Variants in DHX9 observed in about 807,000 individuals in gnomAD.
DHX9 encodes the protein DExH-box helicase 9, also known as ATP-dependent RNA helicase A.
In DHX9, 27 loss-of-function variants were observed where a neutral mutation model predicts 148.7. That is an observed-to-expected ratio of 0.18 (90% CI 0.13 to 0.25). The LOEUF is 0.25. Ranked by LOEUF, DHX9 falls within the 10% of genes least tolerant of loss-of-function variation. The pLI is 1.00. For missense variants in DHX9, 796 were observed against 1,559.6 expected (o/e 0.51, Z 8.25); for synonymous variants, 529 against 516.6 (o/e 1.02, Z -0.33).
chr1:182,852,856 G>A (rs1444343742), intron 4 of DHX9, among the ~76,000 whole-genome samples: 1 of 149,734 alleles, frequency 6.7e-6, no homozygotes, highest in African/African-American at 2.5e-5. Context: ...TCTACCATAT[G>A]GTAGATTAGG....
In DHX9 at chr1:182,859,907, A is replaced by G. The variant is rs1397657284; in HGVS notation, c.1141-86A>G. The G allele has an allele frequency of 2.9e-6, 4 of 1,360,170 alleles. No individual in the cohort carries two copies. In the African/African-American group the frequency reaches 4.4e-5, roughly 15 times the overall value. The allele number at this position is 1,360,170 out of a possible 1,614,324, so 84.3% of individuals were successfully genotyped here. On this transcript the variant is annotated intron_variant, in intron 11 of 27. Coordinates refer to ENST00000367549, the MANE Select transcript of DHX9 (RefSeq NM_001357.5). ...GCGTGAGCCACCGCGCCCAGTCTAT[A>G]GAGATGGAAGTTTTTTAAAGGATCA...
At chr1:182,863,993 C>A (rs949175448) in intron 12 of DHX9, among the ~76,000 whole-genome samples, 3 of 152,078 alleles carry the variant, frequency 2.0e-5, no homozygotes, top group Non-Finnish European at 2.9e-5. Context: ...GGCAACATGG[C>A]GAAACTCCAT....
chr1:182,844,552 G>GT lies in DHX9; in HGVS notation c.252+1122dup, dbSNP rs564364554. Among the ~76,000 whole-genome samples the GT allele has an allele frequency of 1.3e-3, 197 of 152,104 alleles. 1 individual carries two copies. The highest frequency in any genetic ancestry group is 4.6e-3 in the African/African-American group (191 of 41,474). Reference sequence around the variant, plus strand: ...TAAGGTTTTTTTTGTTTGTTTGTTTGTTTTGTTTTTTAAGACGGAGTCTTG... The same window carrying GT: ...TAAGGTTTTTTTTGTTTGTTTGTTTGTTTTTGTTTTTTAAGACGGAGTCTTG... On this transcript the variant is annotated intron_variant, in intron 3 of 27. Coordinates refer to ENST00000367549, the MANE Select transcript of DHX9 (RefSeq NM_001357.5).
At chr1:182,852,585 T>G (rs1253947693) in intron 4 of DHX9, among the ~76,000 whole-genome samples, 1 of 152,224 alleles carries the variant, frequency 6.6e-6, no homozygotes, top group African/African-American at 2.4e-5. Flanking sequence ...AATAAATAGG[T>G]TTTCCACAGG....
Position 182,887,532 on chromosome 1 carries a change from G to GT in DHX9, c.*99dup. The GT allele has an allele frequency of 9.0e-7, 1 of 1,106,708 alleles. No individual in the cohort carries two copies. The highest frequency in any genetic ancestry group is 1.3e-6 in the Non-Finnish European group (1 of 778,186). The allele number at this position is 1,106,708 out of a possible 1,614,324, so 68.6% of individuals were successfully genotyped here. A position where few individuals can be genotyped will look rare whatever the true frequency, so the allele number is the denominator to read the frequency against. Reference sequence around the variant, plus strand: ...CAGTATGTTTATTTGCCACCAAAAAGTAAATGCATTTTCACCCATTCTGTG... The same window carrying GT: ...CAGTATGTTTATTTGCCACCAAAAAGTTAAATGCATTTTCACCCATTCTGTG... On this transcript the variant is annotated 3_prime_UTR_variant, in exon 28 of 28. Coordinates refer to ENST00000367549, the MANE Select transcript of DHX9 (RefSeq NM_001357.5).
Position 182,884,685 on chromosome 1 carries a change from T to A in DHX9, c.3333T>A (p.Val1111=). 6.2e-7 allele frequency: 1 copy of A among 1,614,184 alleles called. No individual in the cohort carries two copies. The highest frequency in any genetic ancestry group is 8.5e-7 in the Non-Finnish European group (1 of 1,180,030). ...TCCGGGCAGCCATGGAGGCTTTGGTTGTTGAAGTAACCAAACAACCTGCTA... is the reference window on the plus strand; with the variant it reads ...TCCGGGCAGCCATGGAGGCTTTGGTAGTTGAAGTAACCAAACAACCTGCTA... The part of the protein sequence containing the change: ...TGLRAAMEAL[V]VEVTKQPAII... The change falls in exon 27 of 28, where the codon GTT becomes GTA. Residue 1111 remains valine, a synonymous_variant. Transcript: ENST00000367549.
At position 182,887,099 on chromosome 1, in the gene DHX9, C is replaced by T. The variant is rs1327282020; in HGVS notation, c.3478C>T (p.Arg1160Cys). ...TTTTCCTAGGTATGGAGATGGTCCACGTCCTCCCAAGATGGCCCGATACGA... is the reference window on the plus strand; with the variant it reads ...TTTTCCTAGGTATGGAGATGGTCCATGTCCTCCCAAGATGGCCCGATACGA... ...IGSTRYGDGPRPPKMARYDNG... is the reference protein window; with the variant it reads ...IGSTRYGDGPCPPKMARYDNG... Residue 1160 changes from arginine to cysteine, a missense_variant, in exon 28 of 28, where the codon CGT (arginine) becomes TGT (cysteine). Coordinates refer to ENST00000367549, the MANE Select transcript of DHX9 (RefSeq NM_001357.5). 6.2e-7 allele frequency: 1 copy of T among 1,614,124 alleles called. No individual in the cohort carries two copies. The highest frequency in any genetic ancestry group is 8.5e-7 in the Non-Finnish European group (1 of 1,179,968).
intron 11 of DHX9, 62 bp downstream of exon 11, chr1:182,859,179 A>G: frequency 6.8e-7 from 1 of 1,463,396 alleles, no homozygotes; most frequent in Non-Finnish European, 9.5e-7. Context: ...GGTATGGGTA[A>G]AAAGTCAATG....
At chr1:182,844,531 G>GT (rs200448239) in intron 3 of DHX9, among the ~76,000 whole-genome samples, 66 of 151,704 alleles carry the variant, frequency 4.4e-4, no homozygotes, top group African/African-American at 1.5e-3. Context: ...AAGAAATAAG[G>GT]TTTTTTTTGT....
intron 3 of DHX9, among the ~76,000 whole-genome samples, chr1:182,847,013 A>G (rs1668044272): frequency 6.6e-6 from 1 of 151,788 alleles, no homozygotes; most frequent in South Asian, 2.1e-4. Flanking sequence ...CACCCAGTGT[A>G]TTTCAGACAC....
At chr1:182,860,855 T>G (rs1202520991) in intron 12 of DHX9, among the ~76,000 whole-genome samples, 1 of 152,226 alleles carries the variant, frequency 6.6e-6, no homozygotes, top group African/African-American at 2.4e-5. Context: ...GCTCTCAGGT[T>G]AAACAGTTCC....
chr1:182,870,811 G>C (rs1648525922), intron 14 of DHX9, among the ~76,000 whole-genome samples: 1 of 152,096 alleles, frequency 6.6e-6, no homozygotes. Flanking sequence ...CATTTAAAAA[G>C]GTGAAAAGGT....
rs1268921478 is a variant in DHX9, at chr1:182,887,241, G to A, written c.3620G>A (p.Arg1207Gln). Reference protein sequence around the residue: ...GGYGGSANSFRAGYGAGVGGG... With the variant: ...GGYGGSANSFQAGYGAGVGGG... ...TATGGTGGCAGCGCCAACTCCTTTC[G>A]GGCAGGATATGGTGCAGGTGTTGGT... The change falls in exon 28 of 28, where the codon CGG (arginine) becomes CAG (glutamine). Residue 1207 changes from arginine (R) to glutamine (Q), a missense_variant. Physicochemically the swap from Arg to Gln is conservative, Grantham distance 43. Around this residue, in one of 14 missense-constraint regions of DHX9, gnomAD observed 98 missense variants for 105.5 expected, o/e 0.93. Transcript: ENST00000367549. 1.4e-5 allele frequency: 22 copies of A among 1,614,024 alleles called. No homozygotes were observed. The highest frequency in any genetic ancestry group is 1.8e-5 in the Non-Finnish European group (21 of 1,180,044).
intron 12 of DHX9, among the ~76,000 whole-genome samples, chr1:182,863,087 T>TCCAA (rs1648060543): frequency 6.6e-6 from 1 of 152,250 alleles, no homozygotes; most frequent in Non-Finnish European, 1.5e-5. Context: ...TTGGAACTAT[T>TCCAA]CTTCCAGCTT....
intron 13 of DHX9, 145 bp from the exon 14 acceptor site, chr1:182,866,816 A>T: frequency 1.3e-6 from 1 of 771,820 alleles, no homozygotes; most frequent in Non-Finnish European, 2.1e-6. Flanking sequence ...ATTTCATAGT[A>T]CACTATCACT....
intron 3 of DHX9, 128 bp from the exon 4 acceptor site, chr1:182,852,105 C>A (rs1211886917): frequency 3.4e-6 from 2 of 588,468 alleles, no homozygotes; most frequent in East Asian, 5.8e-5. Flanking sequence ...GACTTAACCT[C>A]TAAACAAAGA....
At position 182,887,592 on chromosome 1, in the gene DHX9, T is replaced by C. The variant is rs1571326496; in HGVS notation, c.*158T>C. ...AGTTTAAGGAAACCAAGCATATAGATGCATTAGTGATTTTGTTTATATTAT... is the reference window on the plus strand; with the variant it reads ...AGTTTAAGGAAACCAAGCATATAGACGCATTAGTGATTTTGTTTATATTAT... On this transcript the variant is annotated 3_prime_UTR_variant, in exon 28 of 28. Transcript: ENST00000367549. 8.2e-6 allele frequency: 5 copies of C among 612,288 alleles called. No homozygotes were observed. The East Asian group carries it at 1.4e-4, about 17-fold the overall frequency. 37.9% of individuals were successfully genotyped at this position (612,288 alleles called of 1,614,324 possible).
intron 6 of DHX9, among the ~76,000 whole-genome samples, chr1:182,855,148 A>G (rs1429255820): frequency 2.0e-5 from 3 of 152,126 alleles, no homozygotes; most frequent in African/African-American, 7.2e-5. Context: ...ATTCTCAGAT[A>G]TTTCTGGTGT....
intron 1 of DHX9, among the ~76,000 whole-genome samples, chr1:182,841,510 C>CT (rs1381266067): frequency 2.0e-5 from 3 of 152,282 alleles, no homozygotes; most frequent in East Asian, 1.9e-4. Flanking sequence ...CTTTCCACGG[C>CT]TTTTTTGTTA....
Sources: gnomAD v4.1 joint callset for allele counts (sites outside exome capture counted in the v4.1 genomes callset) on GRCh38, gnomAD v4.1.1 for gene constraint, gnomAD v4.1.1 regional missense constraint, MANE v1.5 for transcripts, NCBI Gene and HGNC (gene_info 2026-07-23, HGNC 2026-07-21) for gene names.